The following UGT1A9 variants were observed in gnomAD, a reference collection of about 807,000 sequenced individuals.
The protein encoded by UGT1A9 is UDP glucuronosyltransferase family 1 member A9.
In UGT1A9, 35 loss-of-function variants were observed where a neutral mutation model predicts 45.0. The observed-to-expected ratio is 0.78, with a 90% CI of 0.59 to 1.03. The LOEUF (loss-of-function observed/expected upper bound fraction) is 1.03, where lower values mean the gene tolerates loss of function less well. Ranked by LOEUF, UGT1A9 falls within the 50% of genes least tolerant of loss-of-function variation. The probability of loss-of-function intolerance (pLI) is 0.00; values close to 1 mark genes in which losing one functional copy is unlikely to be tolerated. For synonymous variants in UGT1A9, 278 were observed against 250.6 expected (o/e 1.11, Z -1.03); for missense variants, 687 against 666.6 (o/e 1.03, Z -0.34).
chr2:233,759,839 C>T (rs1697267219), intron 1 of UGT1A9, among the ~76,000 whole-genome samples: 1 of 152,144 alleles, frequency 6.6e-6, no homozygotes, highest in South Asian at 2.1e-4. Context: ...AGTGGGCACT[C>T]TTACAGGTTT....
chr2:233,729,694 C>A (rs1447462481), intron 1 of UGT1A9: 7 of 1,613,908 alleles, frequency 4.3e-6, no homozygotes, highest in Non-Finnish European at 5.9e-6. Flanking sequence ...GTGTCCAAAC[C>A]CTTCCTCCTA....
At chr2:233,765,664 CA>C (rs970582402) in intron 1 of UGT1A9, among the ~76,000 whole-genome samples, 2 of 151,540 alleles carry the variant, frequency 1.3e-5, no homozygotes, top group African/African-American at 4.9e-5. Context: ...AGCAAACCAC[CA>C]TGGCATATGT....
chr2:233,694,649 T>G (rs1417184018), intron 1 of UGT1A9, among the ~76,000 whole-genome samples: 3 of 152,220 alleles, frequency 2.0e-5, no homozygotes, highest in African/African-American at 7.2e-5. Context: ...TTCCAGTTCC[T>G]TTTTTATCAG....
At chr2:233,729,153 G>A in intron 1 of UGT1A9, 4 of 1,613,546 alleles carry the variant, frequency 2.5e-6, no homozygotes, top group Non-Finnish European at 3.4e-6. Context: ...AGGTTCCCCT[G>A]CCGTGGCTGG....
chr2:233,728,519 T>A (rs554437278), intron 1 of UGT1A9, among the ~76,000 whole-genome samples: 5 of 152,180 alleles, frequency 3.3e-5, no homozygotes, highest in Admixed American at 1.3e-4. Context: ...TTTTCTATAT[T>A]GACAGCCACT....
At chr2:233,697,107 A>G (rs989026707) in intron 1 of UGT1A9, among the ~76,000 whole-genome samples, 1 of 152,102 alleles carries the variant, frequency 6.6e-6, no homozygotes, top group African/African-American at 2.4e-5. Flanking sequence ...TGAGTTTGGA[A>G]GTATTCTCTC....
intron 1 of UGT1A9, chr2:233,742,993 T>G: frequency 4.3e-6 from 1 of 231,186 alleles, no homozygotes; most frequent in Admixed American, 5.2e-5. Flanking sequence ...AATAGCAAAT[T>G]GCATACAGAT....
Position 233,772,533 on chromosome 2 carries a change from A to G in UGT1A9, c.1567A>G (p.Lys523Glu). 6.2e-7 allele frequency: 1 copy of G among 1,614,214 alleles called. No homozygotes were observed. Among genetic ancestry groups the G allele is most frequent in the Non-Finnish European group, 8.5e-7 (1 of 1,180,036 alleles). ...KCLGKKGRVK[K>E]AHKSKTH ...CTTGGGGAAAAAAGGGCGAGTTAAG[A>G]AAGCCCACAAATCCAAGACCCATTG... Residue 523 changes from lysine to glutamate, a missense_variant, in exon 5 of 5, where the codon AAA (lysine) becomes GAA (glutamate). Coordinates refer to ENST00000354728, the MANE Select transcript of UGT1A9 (RefSeq NM_021027.3).
chr2:233,748,342 C>T lies in UGT1A9; in HGVS notation c.856-18692C>T, dbSNP rs117379305. ...ACTGATGTGACTCATGGAGACTGTT[C>T]GTTTGTAAAGGCACCATCTTCATGG... On this transcript the variant is annotated intron_variant, in intron 1 of 4. Transcript: ENST00000354728. 1.9e-3 allele frequency among the ~76,000 whole-genome samples: 287 copies of T among 151,736 alleles called. 5 individuals carry two copies. The East Asian group carries it at 0.054, about 29-fold the overall frequency.
intron 1 of UGT1A9, among the ~76,000 whole-genome samples, chr2:233,707,026 C>T (rs1300586789): frequency 1.3e-5 from 2 of 152,110 alleles, no homozygotes; most frequent in African/African-American, 4.8e-5. Context: ...GGTCAGCCAG[C>T]CCCCAAGGTA....
intron 1 of UGT1A9, among the ~76,000 whole-genome samples, chr2:233,732,779 AT>A (rs1417655336): frequency 8.9e-6 from 1 of 112,574 alleles, no homozygotes; most frequent in South Asian, 2.6e-4. Context: ...TTTGCTTAGG[AT>A]TGTCTTGGCA....
chr2:233,713,172 C>T (rs1256255706), intron 1 of UGT1A9: 2 of 1,614,090 alleles, frequency 1.2e-6, no homozygotes, highest in Admixed American at 1.7e-5. Context: ...GGTGGTGGTC[C>T]TCACCCTGGA....
At position 233,765,423 on chromosome 2, in the gene UGT1A9, G is replaced by A. The variant is rs181881481; in HGVS notation, c.856-1611G>A. Among the ~76,000 whole-genome samples, 139 of 152,286 alleles carry A rather than the reference G, an allele frequency of 9.1e-4. 2 individuals carry two copies. Among genetic ancestry groups the A allele is most frequent in the Non-Finnish European group, 1.8e-3 (124 of 68,036 alleles). On this transcript the variant is annotated intron_variant, in intron 1 of 4. Coordinates refer to ENST00000354728, the MANE Select transcript of UGT1A9 (RefSeq NM_021027.3). ...CATATACACCATGGAATACTATGCA[G>A]CCATAACAAGGAATGAGATCATATT...
chr2:233,719,580 G>A (rs369777528), intron 1 of UGT1A9: 53 of 1,613,798 alleles, frequency 3.3e-5, no homozygotes, highest in East Asian at 4.5e-5. Flanking sequence ...CTATGCATCC[G>A]TGTGGCTGTT....
chr2:233,723,051 G>C (rs1327620442), intron 1 of UGT1A9, among the ~76,000 whole-genome samples: 1 of 141,468 alleles, frequency 7.1e-6, no homozygotes, highest in African/African-American at 2.7e-5. Flanking sequence ...GGCACACTCG[G>C]TGTAACTTTA....
At chr2:233,692,754 G>C (rs1306162834) in intron 1 of UGT1A9, 1 of 1,140,734 alleles carries the variant, frequency 8.8e-7, no homozygotes, top group Non-Finnish European at 1.2e-6. Context: ...GCAGACTTGT[G>C]GAGCTGAAGA....
chr2:233,772,846 T>C lies in UGT1A9; in HGVS notation c.*287T>C, dbSNP rs1314535454. ...AGGCTGGCATTCTAGATTACTTTTCTTACTCTGAAACATGGCCTGTTTGGG... is the reference window on the plus strand; with the variant it reads ...AGGCTGGCATTCTAGATTACTTTTCCTACTCTGAAACATGGCCTGTTTGGG... On this transcript the variant is annotated 3_prime_UTR_variant, in exon 5 of 5. Transcript: ENST00000354728. 2 of 808,282 alleles carry C rather than the reference T, an allele frequency of 2.5e-6. No individual in the cohort carries two copies. Among genetic ancestry groups the C allele is most frequent in the Non-Finnish European group, 3.5e-6 (2 of 570,582 alleles). 50.1% of individuals were successfully genotyped at this position (808,282 alleles called of 1,614,324 possible). A position where few individuals can be genotyped will look rare whatever the true frequency, so the allele number is the denominator to read the frequency against.
rs58597806 is a variant in UGT1A9, at chr2:233,672,700, G to A, written c.766G>A (p.Asp256Asn). 9.5e-5 allele frequency: 153 copies of A among 1,613,898 alleles called. 3 individuals are homozygous for A. The East Asian group carries it at 3.4e-3, about 36-fold the overall frequency. The stretch of plus-strand genomic sequence containing the variant: ...CACATCAATTTGGTTGTTGCGAACG[G>A]ACTTTGTTTTGGACTATCCCAAACC... ...SHTSIWLLRT[D>N]FVLDYPKPVM... Residue 256 changes from aspartate to asparagine, a missense_variant, in exon 1 of 5, where the codon GAC becomes AAC. By Grantham distance (23) the Asp-to-Asn change is conservative. Coordinates refer to ENST00000354728, the MANE Select transcript of UGT1A9 (RefSeq NM_021027.3).
intron 1 of UGT1A9, among the ~76,000 whole-genome samples, chr2:233,759,210 T>C (rs1169742751): frequency 6.6e-6 from 1 of 152,134 alleles, no homozygotes; most frequent in African/African-American, 2.4e-5. Context: ...CCCAATCAGG[T>C]CCATTTATGC....
Sources: gnomAD v4.1 joint callset for allele counts (sites outside exome capture counted in the v4.1 genomes callset) on GRCh38, gnomAD v4.1.1 for gene constraint, MANE v1.5 for transcripts, NCBI Gene and HGNC (gene_info 2026-07-23, HGNC 2026-07-21) for gene names.